UBASH3B: variants seen among roughly 807,000 people sequenced by gnomAD.
The protein encoded by UBASH3B is ubiquitin associated and SH3 domain containing B.
A neutral mutation model predicts 83.4 loss-of-function variants in UBASH3B; 37 were observed. The ratio of observed to expected loss-of-function variants is 0.44; its 90% CI spans 0.34 to 0.58. The LOEUF (loss-of-function observed/expected upper bound fraction) is 0.58, where lower values mean the gene tolerates loss of function less well. Ranked by LOEUF, UBASH3B falls within the 20% of genes least tolerant of loss-of-function variation. UBASH3B has a pLI of 0.01. For synonymous variants in UBASH3B, 304 were observed against 318.3 expected (o/e 0.96, Z 0.48); for missense variants, 657 against 827.2 (o/e 0.79, Z 2.52).
At chr11:122,762,108 G>T (rs541873420) in intron 1 of UBASH3B, among the ~76,000 whole-genome samples, 2 of 152,090 alleles carry the variant, frequency 1.3e-5, no homozygotes, top group South Asian at 2.1e-4. Context: ...CGCCATTACC[G>T]TCAATGGCAA....
At chr11:122,701,176 G>A (rs1864036316) in intron 1 of UBASH3B, among the ~76,000 whole-genome samples, 1 of 152,172 alleles carries the variant, frequency 6.6e-6, no homozygotes, top group South Asian at 2.1e-4. Context: ...TGTCCAAGAC[G>A]TTAATAACTC....
At chr11:122,769,699 A>G (rs1404278806) in intron 1 of UBASH3B, among the ~76,000 whole-genome samples, 1 of 152,200 alleles carries the variant, frequency 6.6e-6, no homozygotes. Context: ...TTGTTTTCCA[A>G]ATATACCCCA....
intron 1 of UBASH3B, among the ~76,000 whole-genome samples, chr11:122,693,119 C>T (rs1207195991): frequency 2.0e-5 from 3 of 151,862 alleles, no homozygotes; most frequent in Admixed American, 6.6e-5. Flanking sequence ...GGGAGAATGA[C>T]AAAGAACCTT....
intron 3 of UBASH3B, 80 bp downstream of exon 3, chr11:122,777,290 G>A: frequency 6.9e-7 from 1 of 1,443,774 alleles, no homozygotes; most frequent in Non-Finnish European, 9.3e-7. Context: ...AGCAAAGGGA[G>A]GCCTCGCAGG....
At chr11:122,726,472 C>G (rs141592100) in intron 1 of UBASH3B, among the ~76,000 whole-genome samples, 2,371 of 151,590 alleles carry the variant, frequency 0.016, 63 homozygotes, top group African/African-American at 0.053. Flanking sequence ...GCCTCAGCCT[C>G]CCGAGTAGCT....
intron 3 of UBASH3B, among the ~76,000 whole-genome samples, chr11:122,778,140 C>T (rs1860774832): frequency 6.6e-6 from 1 of 151,790 alleles, no homozygotes; most frequent in South Asian, 2.1e-4. Context: ...ATATTCAAGA[C>T]CAAACAAAGT....
chr11:122,671,587 G>A (rs867198635), intron 1 of UBASH3B, among the ~76,000 whole-genome samples: 4 of 152,210 alleles, frequency 2.6e-5, no homozygotes, highest in South Asian at 2.1e-4. Flanking sequence ...CTGTCTGGCC[G>A]CCTCAGACAC....
At chr11:122,793,130 C>T (rs539261251) in intron 6 of UBASH3B, among the ~76,000 whole-genome samples, 137 of 152,288 alleles carry the variant, frequency 9.0e-4, no homozygotes, top group South Asian at 8.1e-3. Context: ...CCTGTAATCC[C>T]AGCATGACTT....
At chr11:122,683,569 C>A (rs1401979814) in intron 1 of UBASH3B, among the ~76,000 whole-genome samples, 2 of 149,518 alleles carry the variant, frequency 1.3e-5, no homozygotes, top group African/African-American at 4.9e-5. Context: ...TGCGCCACTG[C>A]CCTTCAGCCT....
chr11:122,696,670 C>T (rs1863969309), intron 1 of UBASH3B, among the ~76,000 whole-genome samples: 1 of 152,162 alleles, frequency 6.6e-6, no homozygotes, highest in African/African-American at 2.4e-5. Flanking sequence ...GTGTAAGTTG[C>T]ACGTGTGTCC....
chr11:122,764,817 G>A (rs1278773918), intron 1 of UBASH3B, among the ~76,000 whole-genome samples: 1 of 152,174 alleles, frequency 6.6e-6, no homozygotes, highest in East Asian at 1.9e-4. Context: ...CTCTAATTCT[G>A]CCCATCCTCA....
At chr11:122,807,880 T>A (rs1176808741) in intron 12 of UBASH3B, among the ~76,000 whole-genome samples, 187 bp from the exon 13 acceptor site, 2 of 152,226 alleles carry the variant, frequency 1.3e-5, no homozygotes, top group African/African-American at 4.8e-5. Context: ...TATTTTAAGA[T>A]AAATGTTTTC....
At chr11:122,801,526 G>A (rs1229074059) in intron 11 of UBASH3B, among the ~76,000 whole-genome samples, 194 bp downstream of exon 11, 4 of 152,190 alleles carry the variant, frequency 2.6e-5, no homozygotes, top group African/African-American at 9.6e-5. Context: ...TGGCATTAGT[G>A]TGGATTAGAT....
intron 1 of UBASH3B, among the ~76,000 whole-genome samples, chr11:122,762,325 C>T (rs957550139): frequency 6.6e-6 from 1 of 152,194 alleles, no homozygotes; most frequent in Non-Finnish European, 1.5e-5. Context: ...GATGTTACTA[C>T]TCTGCCAACT....
intron 1 of UBASH3B, among the ~76,000 whole-genome samples, chr11:122,768,970 C>G (rs1860598529): frequency 6.6e-6 from 1 of 152,166 alleles, no homozygotes; most frequent in African/African-American, 2.4e-5. Context: ...GGCAGAGCCA[C>G]CAGGTGCATG....
intron 1 of UBASH3B, among the ~76,000 whole-genome samples, chr11:122,770,308 T>G (rs1226271804): frequency 6.6e-6 from 1 of 152,244 alleles, no homozygotes; most frequent in Non-Finnish European, 1.5e-5. Context: ...CTACATCTTG[T>G]CTCTTGCTTT....
intron 3 of UBASH3B, among the ~76,000 whole-genome samples, chr11:122,777,609 T>A (rs1344207791): frequency 2.3e-5 from 3 of 131,000 alleles, no homozygotes; most frequent in Non-Finnish European, 3.6e-5. Context: ...GAAAGCCATT[T>A]CCTGTCCACA....
intron 5 of UBASH3B, among the ~76,000 whole-genome samples, chr11:122,788,894 C>T (rs970007844): frequency 1.3e-5 from 2 of 152,212 alleles, no homozygotes; most frequent in Non-Finnish European, 2.9e-5. Context: ...ATTTCTAGCA[C>T]CAGGCATACA....
At chr11:122,789,906 C>T (rs1861021301) in intron 6 of UBASH3B, among the ~76,000 whole-genome samples, 1 of 152,182 alleles carries the variant, frequency 6.6e-6, no homozygotes, top group South Asian at 2.1e-4. Flanking sequence ...TAATAACTTT[C>T]CACCCGTCCC....
Sources: gnomAD v4.1 joint callset for allele counts (sites outside exome capture counted in the v4.1 genomes callset) on GRCh38, gnomAD v4.1.1 for gene constraint, MANE v1.5 for transcripts, NCBI Gene and HGNC (gene_info 2026-07-23, HGNC 2026-07-21) for gene names.